WDR27: variants seen among roughly 807,000 people sequenced by gnomAD.
The protein encoded by WDR27 is WD repeat-containing protein 27.
Under a neutral mutation model 114.4 loss-of-function variants are expected in WDR27, and 100 were observed. That is an observed-to-expected ratio of 0.87 (90% confidence interval 0.74 to 1.03). The LOEUF (loss-of-function observed/expected upper bound fraction) is 1.03. WDR27 is among the 50% of genes least tolerant of loss of function. WDR27 has a pLI of 0.00. For missense variants in WDR27, 1,129 were observed against 1,092.9 expected (o/e 1.03, Z -0.47); for synonymous variants, 449 against 423.1 (o/e 1.06, Z -0.75).
chr6:169,492,073 G>A (rs1007018200), intron 25 of WDR27, among the ~76,000 whole-genome samples: 6 of 151,934 alleles, frequency 3.9e-5, no homozygotes, highest in African/African-American at 1.4e-4. Context: ...TAAGAAAATA[G>A]TCTGAATAAT....
chr6:169,466,168 C>T (rs570032932), intron 25 of WDR27, among the ~76,000 whole-genome samples: 1 of 152,142 alleles, frequency 6.6e-6, no homozygotes, highest in Non-Finnish European at 1.5e-5. Flanking sequence ...AGACGGCTCA[C>T]CCAATATATT....
intron 23 of WDR27, among the ~76,000 whole-genome samples, chr6:169,598,665 C>T (rs774230683): frequency 1.2e-4 from 19 of 152,106 alleles, no homozygotes; most frequent in Non-Finnish European, 2.5e-4. Flanking sequence ...TGGAGATGGA[C>T]GCAGAGGCCA....
chr6:169,564,368 A>G (rs571720114), intron 25 of WDR27, among the ~76,000 whole-genome samples: 9 of 152,272 alleles, frequency 5.9e-5, no homozygotes, highest in East Asian at 3.9e-4. Flanking sequence ...ACAGACTCCA[A>G]TGGTAATCTC....
At chr6:169,481,778 C>T (rs1018107321) in intron 25 of WDR27, among the ~76,000 whole-genome samples, 6 of 152,134 alleles carry the variant, frequency 3.9e-5, no homozygotes, top group Non-Finnish European at 5.9e-5. Context: ...AGAACTGTAA[C>T]ACTCACCGCA....
intron 7 of WDR27, chr6:169,664,676 GAAAA>G (rs1192683407): frequency 2.0e-6 from 2 of 1,009,290 alleles, no homozygotes; most frequent in African/African-American, 1.7e-5. Context: ...TTGTCAAAAG[GAAAA>G]AAAAAATCTA....
At chr6:169,681,925 C>A (rs575095947) in intron 2 of WDR27, among the ~76,000 whole-genome samples, 3 of 152,098 alleles carry the variant, frequency 2.0e-5, no homozygotes, top group East Asian at 3.9e-4. Context: ...GCCAACTAGA[C>A]CTCTCTAGTC....
At chr6:169,584,127 T>A (rs1804110662) in intron 23 of WDR27, among the ~76,000 whole-genome samples, 1 of 152,170 alleles carries the variant, frequency 6.6e-6, no homozygotes, top group Non-Finnish European at 1.5e-5. Context: ...GTCTTTGAGC[T>A]CTTGTTAAGA....
rs3823465 is a variant in WDR27 at position 169,668,084 on chromosome 6, A to G, written c.558T>C (p.Val186=). The change falls in exon 5 of 26, where the codon GTT becomes GTC. Residue 186 remains valine (V), a synonymous_variant. Coordinates refer to ENST00000448612, the MANE Select transcript of WDR27 (RefSeq NM_182552.5). ...CCAGGTGGCCCTGCAGCTCGGCCCGAACAGCCTGAGTCTGAGAGAATGTGT... is the reference window on the plus strand; with the variant it reads ...CCAGGTGGCCCTGCAGCTCGGCCCGGACAGCCTGAGTCTGAGAGAATGTGT... ...FLHTFSQTQA[V]RAELQGHLGP... 280,898 of 1,613,834 alleles carry G rather than the reference A, an allele frequency of 0.17. 33,774 individuals carry two copies. Among genetic ancestry groups the G allele is most frequent in the East Asian group, 0.72 (32,253 of 44,850 alleles).
intron 6 of WDR27, chr6:169,666,450 ACT>A: frequency 1.0e-6 from 1 of 985,356 alleles, no homozygotes; most frequent in Non-Finnish European, 1.2e-6. Context: ...TAATTCCCTA[ACT>A]CTCTTCTTCT....
At chr6:169,455,772 C>G (rs1056130672), downstream of WDR27, among the ~76,000 whole-genome samples, 2 of 152,260 alleles carry the variant, frequency 1.3e-5, no homozygotes, top group Admixed American at 6.5e-5. Flanking sequence ...AGGACTTATA[C>G]TGCTATTCTT....
intron 1 of WDR27, among the ~76,000 whole-genome samples, chr6:169,691,956 C>CA (rs1295813309): frequency 2.0e-5 from 3 of 151,632 alleles, no homozygotes; most frequent in East Asian, 1.9e-4. Context: ...AGGAATGTAC[C>CA]AAAAAAAATG....
At chr6:169,556,839 T>C (rs1798962545) in intron 25 of WDR27, among the ~76,000 whole-genome samples, 1 of 152,012 alleles carries the variant, frequency 6.6e-6, no homozygotes, top group Non-Finnish European at 1.5e-5. Flanking sequence ...ACAAAAGAAA[T>C]GCAAATTAAA....
At chr6:169,453,062 G>A (rs1312259262), downstream of WDR27, among the ~76,000 whole-genome samples, 1 of 152,218 alleles carries the variant, frequency 6.6e-6, no homozygotes, top group African/African-American at 2.4e-5. Flanking sequence ...CCAGGCCTAG[G>A]GCTGATCAGC....
Position 169,618,627 on chromosome 6 carries a change from CAAAAAAAAAAA to C in WDR27, c.2224-4982_2224-4972del, listed in dbSNP as rs560399990. Among the ~76,000 whole-genome samples the C allele has an allele frequency of 3.3e-5, 3 of 92,106 alleles. No homozygotes were observed. In the South Asian group the frequency reaches 1.7e-3, roughly 53 times the overall value. 60.4% of individuals were successfully genotyped at this position (92,106 alleles called of 152,430 possible). On this transcript the variant is annotated intron_variant, in intron 21 of 25. Coordinates refer to ENST00000448612, the MANE Select transcript of WDR27 (RefSeq NM_182552.5). ...TAATGGTGGTGCACTTGGATGACTG[CAAAAAAAAAAA>C]AAAAAAAAAAACATTATTGATGCAT...
intron 25 of WDR27, among the ~76,000 whole-genome samples, chr6:169,511,894 T>C (rs941443092): frequency 6.6e-6 from 1 of 152,218 alleles, no homozygotes; most frequent in Non-Finnish European, 1.5e-5. Flanking sequence ...ATTGGTTTAC[T>C]GCTTTCCTAA....
intron 21 of WDR27, among the ~76,000 whole-genome samples, chr6:169,624,034 C>T (rs1814032951): frequency 6.6e-6 from 1 of 152,126 alleles, no homozygotes; most frequent in Admixed American, 6.5e-5. Context: ...GGAGACACCA[C>T]ATGCCGCGTG....
chr6:169,524,388 T>C (rs1284934597), intron 25 of WDR27, among the ~76,000 whole-genome samples: 1 of 152,216 alleles, frequency 6.6e-6, no homozygotes, highest in Non-Finnish European at 1.5e-5. Flanking sequence ...GCAATTCCTA[T>C]TAAAATTCCA....
chr6:169,460,279 T>C (rs1240893592), intron 25 of WDR27, among the ~76,000 whole-genome samples: 3 of 152,312 alleles, frequency 2.0e-5, no homozygotes, highest in East Asian at 3.9e-4. Flanking sequence ...AAAATGTAAT[T>C]TTGTGATATC....
At chr6:169,449,849 C>T in the WDR27 span, among the ~76,000 whole-genome samples, 6 of 152,094 alleles carry the variant, frequency 3.9e-5, no homozygotes, top group South Asian at 4.1e-4. Flanking sequence ...GGCCTTCTGA[C>T]GAGAAATACA....
Sources: allele counts gnomAD v4.1 joint callset (sites outside exome capture counted in the v4.1 genomes callset), GRCh38; gene constraint gnomAD v4.1.1; transcripts MANE v1.5; gene names NCBI Gene and HGNC (gene_info 2026-07-23, HGNC 2026-07-21).